The following GMDS variants were observed in gnomAD, a reference collection of about 807,000 sequenced individuals.
The protein encoded by GMDS is GDP-mannose 4,6 dehydratase.
GMDS carries 20 observed loss-of-function variants against 49.9 expected under a neutral mutation model. The observed-to-expected ratio is 0.40, with a 90% CI of 0.28 to 0.58. GMDS has a LOEUF of 0.58. Among genes scored for constraint, GMDS ranks in the 20% least tolerant of loss-of-function variants. The pLI, the probability that GMDS is intolerant of heterozygous loss-of-function variation, is 0.42. For missense variants in GMDS, 362 were observed against 481.4 expected, an observed-to-expected ratio of 0.75 and a Z score of 2.32; for synonymous variants, 177 against 178.6, an observed-to-expected ratio of 0.99 and a Z score of 0.07.
chr6:1,765,573 C>T (rs742535), intron 7 of GMDS, among the ~76,000 whole-genome samples: 2 of 151,590 alleles, frequency 1.3e-5, no homozygotes, highest in African/African-American at 4.8e-5. Context: ...ATTTCATTGT[C>T]TAATTTTACA....
At chr6:1,786,052 C>G (rs1270792286) in intron 7 of GMDS, among the ~76,000 whole-genome samples, 1 of 152,182 alleles carries the variant, frequency 6.6e-6, no homozygotes, top group Non-Finnish European at 1.5e-5. Flanking sequence ...TCACGTAAAA[C>G]CAGCGTGCTG....
In GMDS at chr6:1,678,002, C is replaced by A. The variant is rs148220480; in HGVS notation, c.987+48414G>T. ...AATTCCTTTGTTAGCCTTCTCATAT[C>A]GATGGGATTAATAGTGATGGAACTT... On this transcript the variant is annotated intron_variant, in intron 9 of 10. Coordinates refer to ENST00000380815, the MANE Select transcript of GMDS (RefSeq NM_001500.4). 6.0e-3 allele frequency among the ~76,000 whole-genome samples: 909 copies of A among 152,140 alleles called. 5 individuals carry two copies. Among genetic ancestry groups the A allele is most frequent in the Middle Eastern group, 0.017 (5 of 294 alleles).
At chr6:1,932,477 C>T (rs1268869901) in intron 6 of GMDS, among the ~76,000 whole-genome samples, 1 of 151,426 alleles carries the variant, frequency 6.6e-6, no homozygotes, top group African/African-American at 2.4e-5. Context: ...TGGATCTTTT[C>T]TTATCTGGTT....
chr6:2,003,259 T>C (rs577452656), intron 4 of GMDS, among the ~76,000 whole-genome samples: 1 of 152,328 alleles, frequency 6.6e-6, no homozygotes, highest in East Asian at 1.9e-4. Context: ...TATATTTATG[T>C]GGCATCAGAA....
chr6:1,744,853 T>G (rs998317192), intron 7 of GMDS, among the ~76,000 whole-genome samples: 11 of 152,250 alleles, frequency 7.2e-5, no homozygotes, highest in African/African-American at 2.7e-4. Flanking sequence ...CTGGAATGAA[T>G]TCCAATGCAC....
intron 1 of GMDS, among the ~76,000 whole-genome samples, chr6:2,232,875 C>T (rs1781175790): frequency 6.6e-6 from 1 of 152,116 alleles, no homozygotes; most frequent in African/African-American, 2.4e-5. Flanking sequence ...ATCGGCTTCT[C>T]CCCTGACTGC....
chr6:2,146,445 T>C (rs1320327930), intron 1 of GMDS, among the ~76,000 whole-genome samples: 2 of 152,022 alleles, frequency 1.3e-5, no homozygotes, highest in Non-Finnish European at 2.9e-5. Flanking sequence ...GCTGGTTTGG[T>C]GGGAAAAGAT....
At chr6:1,674,067 G>A (rs1003033008) in intron 9 of GMDS, among the ~76,000 whole-genome samples, 15 of 151,824 alleles carry the variant, frequency 9.9e-5, no homozygotes, top group African/African-American at 2.9e-4. Context: ...TGCTGATTGC[G>A]TAGTGAAACC....
intron 7 of GMDS, among the ~76,000 whole-genome samples, chr6:1,894,460 A>C (rs1760048355): frequency 6.6e-6 from 1 of 152,232 alleles, no homozygotes; most frequent in South Asian, 2.1e-4. Context: ...ATATTAAAAC[A>C]TTTCATAATA....
At chr6:2,208,008 C>G (rs776367372) in intron 1 of GMDS, among the ~76,000 whole-genome samples, 5 of 151,882 alleles carry the variant, frequency 3.3e-5, no homozygotes, top group Non-Finnish European at 4.4e-5. Flanking sequence ...AAAAGGCAGA[C>G]AGGTATTCCC....
At chr6:2,074,271 A>T (rs1772187984) in intron 4 of GMDS, among the ~76,000 whole-genome samples, 2 of 152,274 alleles carry the variant, frequency 1.3e-5, no homozygotes, top group South Asian at 4.2e-4. Flanking sequence ...ACACTTAGTG[A>T]TCTTGAGCAT....
chr6:1,737,808 TACACAC>T (rs1168404321), intron 8 of GMDS, among the ~76,000 whole-genome samples: 1 of 90,922 alleles, frequency 1.1e-5, no homozygotes, highest in Non-Finnish European at 2.1e-5. Context: ...TACACACACA[TACACAC>T]ACACCACAAA....
intron 4 of GMDS, among the ~76,000 whole-genome samples, chr6:2,020,977 T>C (rs1482921821): frequency 6.6e-6 from 1 of 152,222 alleles, no homozygotes; most frequent in African/African-American, 2.4e-5. Flanking sequence ...TGTAACATCA[T>C]CTTCCTCTAA....
intron 3 of GMDS, among the ~76,000 whole-genome samples, chr6:2,117,141 C>T (rs75270753): frequency 3.3e-5 from 5 of 152,044 alleles, no homozygotes; most frequent in Admixed American, 6.6e-5. Flanking sequence ...AAAAGCGGGT[C>T]GGTGCACTGC....
At chr6:1,795,866 T>C (rs570319726) in intron 7 of GMDS, among the ~76,000 whole-genome samples, 19 of 152,184 alleles carry the variant, frequency 1.2e-4, no homozygotes, top group Non-Finnish European at 2.1e-4. Flanking sequence ...AGCACTCAGA[T>C]GAATGCTAAT....
intron 1 of GMDS, among the ~76,000 whole-genome samples, chr6:2,205,486 G>A (rs1220012585): frequency 1.3e-5 from 2 of 152,196 alleles, no homozygotes; most frequent in Non-Finnish European, 2.9e-5. Flanking sequence ...GCCCTCTGGA[G>A]TAGCTTCTAT....
intron 1 of GMDS, among the ~76,000 whole-genome samples, chr6:2,194,087 A>G (rs1779177620): frequency 6.6e-6 from 1 of 152,108 alleles, no homozygotes; most frequent in Non-Finnish European, 1.5e-5. Context: ...TCAATTCAGC[A>G]TGATGTAAGT....
At chr6:1,784,412 A>AAAAAAT (rs1561802974) in intron 7 of GMDS, among the ~76,000 whole-genome samples, 1 of 150,808 alleles carries the variant, frequency 6.6e-6, no homozygotes, top group Admixed American at 6.6e-5. Flanking sequence ...AAAAAAAAAA[A>AAAAAAT]AAGAAAATTT....
intron 7 of GMDS, among the ~76,000 whole-genome samples, chr6:1,762,049 A>G (rs1319122125): frequency 3.3e-5 from 5 of 152,250 alleles, no homozygotes; most frequent in African/African-American, 9.6e-5. Context: ...GATTACAGAA[A>G]AAGCCGAGAA....
Sources: allele counts gnomAD v4.1 joint callset (sites outside exome capture counted in the v4.1 genomes callset), GRCh38; gene constraint gnomAD v4.1.1; transcripts MANE v1.5; gene names NCBI Gene and HGNC (gene_info 2026-07-23, HGNC 2026-07-21).